SH3KBP1: variants seen among roughly 807,000 people sequenced by gnomAD.
SH3KBP1 encodes SH3 domain containing kinase binding protein 1, also known as SH3 domain-containing kinase-binding protein 1.
In SH3KBP1, 8 loss-of-function variants were observed where a neutral mutation model predicts 50.1. The ratio of observed to expected loss-of-function variants is 0.16; its 90% confidence interval spans 0.09 to 0.29. The LOEUF (loss-of-function observed/expected upper bound fraction) is 0.29. Among genes scored for constraint, SH3KBP1 ranks in the 10% least tolerant of loss-of-function variants. The pLI, the probability that SH3KBP1 is intolerant of heterozygous loss-of-function variation, is 1.00. For missense variants in SH3KBP1, 377 were observed against 535.2 expected (o/e 0.70, Z 2.92); for synonymous variants, 227 against 218.6 (o/e 1.04, Z -0.34).
chrX:19,853,681 G>A (rs188204475), intron 1 of SH3KBP1, among the ~76,000 whole-genome samples: 5 of 110,904 alleles, frequency 4.5e-5, no homozygotes, highest in African/African-American at 6.6e-5. Context: ...GTCCCTTCTC[G>A]CCCAGATGCA....
chrX:19,808,917 T>G (rs969006758), intron 2 of SH3KBP1, among the ~76,000 whole-genome samples: 6 of 112,295 alleles, frequency 5.3e-5, no homozygotes, highest in African/African-American at 9.7e-5. Flanking sequence ...TCTACTTATT[T>G]ATTTTTTTAA....
chrX:19,597,652 C>A (rs573463940), intron 9 of SH3KBP1, among the ~76,000 whole-genome samples: 2 of 112,064 alleles, frequency 1.8e-5, no homozygotes, highest in African/African-American at 6.5e-5. Flanking sequence ...CTCCTAGGCT[C>A]AAGTGATCCT....
At chrX:19,661,111 C>T (rs2062436981) in intron 6 of SH3KBP1, among the ~76,000 whole-genome samples, 1 of 113,099 alleles carries the variant, frequency 8.8e-6, no homozygotes, top group Non-Finnish European at 1.9e-5. Flanking sequence ...ATAGGGAGTA[C>T]ATTAATTCAA....
chrX:19,609,104 T>A (rs1237144411), intron 8 of SH3KBP1, among the ~76,000 whole-genome samples: 1 of 112,867 alleles, frequency 8.9e-6, no homozygotes, highest in East Asian at 2.8e-4. Flanking sequence ...ATGAGCCTAA[T>A]GGCCTCGTGG....
At chrX:19,887,136 G>C (rs1371599870) in intron 1 of SH3KBP1, among the ~76,000 whole-genome samples, 171 bp downstream of exon 1, 1 of 110,719 alleles carries the variant, frequency 9.0e-6, no homozygotes, top group Non-Finnish European at 1.9e-5. Flanking sequence ...GCGGGCACAC[G>C]GGCGCAAGTG....
chrX:19,536,690 G>T (rs1299395337), intron 17 of SH3KBP1, among the ~76,000 whole-genome samples: 1 of 112,095 alleles, frequency 8.9e-6, no homozygotes, highest in African/African-American at 3.2e-5. Flanking sequence ...TTCTCAGGCT[G>T]CCAGGCTGCA....
chrX:19,804,901 C>T (rs1470596754), intron 2 of SH3KBP1, among the ~76,000 whole-genome samples: 1 of 97,319 alleles, frequency 1.0e-5, no homozygotes, highest in East Asian at 3.3e-4. Context: ...CCCCCACCCG[C>T]TGCCATCACA....
intron 4 of SH3KBP1, among the ~76,000 whole-genome samples, chrX:19,698,421 T>A (rs1219109392): frequency 8.9e-6 from 1 of 112,174 alleles, no homozygotes; most frequent in East Asian, 2.8e-4. Context: ...AACAGACGTA[T>A]CTTCACCTCA....
In SH3KBP1 at chrX:19,792,232, T is replaced by C. The variant is rs767887023; in HGVS notation, c.162+43893A>G. ...GATATGGAAAGGTATTTGTGGCACA[T>C]TTAAATTAAAAAGCTGTTTATAACA... On this transcript the variant is annotated intron_variant, in intron 2 of 17. Coordinates refer to ENST00000397821, the MANE Select transcript of SH3KBP1 (RefSeq NM_031892.3). Among the ~76,000 whole-genome samples the C allele has an allele frequency of 4.5e-5, 5 of 112,025 alleles. No homozygotes were observed. The South Asian group carries it at 1.8e-3, about 41-fold the overall frequency.
intron 3 of SH3KBP1, among the ~76,000 whole-genome samples, chrX:19,721,533 C>T (rs757501815): frequency 2.2e-4 from 25 of 112,117 alleles, no homozygotes; most frequent in Non-Finnish European, 3.4e-4. Context: ...TATTTTTGTA[C>T]TATTTTGACA....
intron 3 of SH3KBP1, among the ~76,000 whole-genome samples, chrX:19,725,378 GA>G (rs747616329): frequency 1.2e-3 from 129 of 110,543 alleles, no homozygotes; most frequent in Non-Finnish European, 2.2e-3. Context: ...GGCTGAGGTA[GA>G]AGGATTGCTT....
chrX:19,764,613 T>C (rs751157782), intron 2 of SH3KBP1, among the ~76,000 whole-genome samples: 31 of 111,677 alleles, frequency 2.8e-4, no homozygotes, highest in African/African-American at 9.8e-4. Context: ...TTTAACCCTA[T>C]GGCTTCTAGG....
chrX:19,609,086 C>A (rs891467635), intron 8 of SH3KBP1, among the ~76,000 whole-genome samples: 1 of 112,939 alleles, frequency 8.9e-6, no homozygotes, highest in Admixed American at 9.3e-5. Context: ...AAGAGCCTGG[C>A]CTTTCTCATG....
intron 12 of SH3KBP1, among the ~76,000 whole-genome samples, chrX:19,579,444 GAA>G (rs2066297847): frequency 8.9e-6 from 1 of 112,313 alleles, no homozygotes; most frequent in Non-Finnish European, 1.9e-5. Flanking sequence ...GTGACTGTGA[GAA>G]AAGTTTGCAG....
chrX:19,713,900 C>T (rs2063838673), intron 3 of SH3KBP1, among the ~76,000 whole-genome samples: 2 of 111,837 alleles, frequency 1.8e-5, no homozygotes, highest in African/African-American at 3.3e-5. Context: ...ATGTTTACCT[C>T]AGCACTATTC....
Position 19,637,874 on chromosome X carries a change from C to T in SH3KBP1, c.803-5916G>A, listed in dbSNP as rs748666717. Among the ~76,000 whole-genome samples, 13 of 107,432 alleles carry T rather than the reference C, an allele frequency of 1.2e-4. No individual in the cohort carries two copies. The South Asian group carries it at 3.7e-3, about 31-fold the overall frequency. 93.3% of individuals were successfully genotyped at this position (107,432 alleles called of 115,157 possible). On this transcript the variant is annotated intron_variant, in intron 7 of 17. Transcript: ENST00000397821. ...CAGGCAGATCACGAGGTCAGGAGCT[C>T]GAGACCAGCTTGGTCAACATAGTGA...
chrX:19,540,763 G>A (rs927802373), intron 16 of SH3KBP1, among the ~76,000 whole-genome samples: 1 of 111,652 alleles, frequency 9.0e-6, no homozygotes. Flanking sequence ...TGATGTTTTC[G>A]CTGCTGGAGT....
At chrX:19,592,565 G>T (rs988342768) in intron 10 of SH3KBP1, among the ~76,000 whole-genome samples, 2 of 111,413 alleles carry the variant, frequency 1.8e-5, no homozygotes, top group African/African-American at 6.5e-5. Flanking sequence ...ATCCCATTTT[G>T]TAGCCATTTT....
intron 6 of SH3KBP1, among the ~76,000 whole-genome samples, chrX:19,680,775 G>C (rs977077294): frequency 1.8e-5 from 2 of 111,911 alleles, no homozygotes; most frequent in African/African-American, 6.5e-5. Context: ...AACTATCCAT[G>C]GCGCCAACAA....
Sources: allele counts gnomAD v4.1 joint callset (sites outside exome capture counted in the v4.1 genomes callset), GRCh38; gene constraint gnomAD v4.1.1; transcripts MANE v1.5; gene names NCBI Gene and HGNC (gene_info 2026-07-23, HGNC 2026-07-21).